The following ROBO2 variants were observed in gnomAD, a reference collection of about 807,000 sequenced individuals.
The protein encoded by ROBO2 is roundabout guidance receptor 2.
ROBO2 carries 53 observed loss-of-function variants against 160.8 expected under a neutral mutation model. That is an observed-to-expected ratio of 0.33 (90% CI 0.26 to 0.41). ROBO2 has a LOEUF of 0.41. Among genes scored for constraint, ROBO2 ranks in the 10% least tolerant of loss-of-function variants. ROBO2 has a pLI of 1.00. For synonymous variants in ROBO2, 664 were observed against 611.7 expected (o/e 1.09, Z -1.26); for missense variants, 1,577 against 1,722.4 (o/e 0.92, Z 1.49).
chr3:76,440,230 A>G (rs2076863311), intron 2 of ROBO2, among the ~76,000 whole-genome samples: 1 of 152,124 alleles, frequency 6.6e-6, no homozygotes, highest in Admixed American at 6.6e-5. Context: ...GAATTTTAGT[A>G]AAAGTACTTT....
intron 2 of ROBO2, among the ~76,000 whole-genome samples, chr3:76,234,789 C>T (rs1275390684): frequency 1.3e-5 from 2 of 152,132 alleles, no homozygotes; most frequent in East Asian, 3.9e-4. Context: ...CAAGTGACCC[C>T]TTTGTTCTTT....
intron 2 of ROBO2, among the ~76,000 whole-genome samples, chr3:76,614,290 C>T (rs1028575589): frequency 6.6e-6 from 1 of 152,098 alleles, no homozygotes; most frequent in Non-Finnish European, 1.5e-5. Context: ...CCACCTTGTC[C>T]TTAAAAATGT....
intron 13 of ROBO2, among the ~76,000 whole-genome samples, chr3:77,573,875 C>T (rs2093697450): frequency 6.6e-6 from 1 of 151,662 alleles, no homozygotes; most frequent in Non-Finnish European, 1.5e-5. Flanking sequence ...GTAACTTGAC[C>T]ATGGTTCAGT....
rs2084309871 is a variant in ROBO2, at chr3:76,563,244, A to G, written c.110-534770A>G. Among the ~76,000 whole-genome samples the G allele has an allele frequency of 2.0e-5, 3 of 152,162 alleles. No homozygotes were observed. The South Asian group carries it at 6.2e-4, about 31-fold the overall frequency. On this transcript the variant is annotated intron_variant, in intron 2 of 26. Coordinates refer to the ROBO2 transcript ENST00000487694. Reference sequence around the variant, plus strand: ...AGCTCTGTCATCAGACACTCTGCACATCATTTCTTCTTTAAGTGTGATTTT... The same window carrying G: ...AGCTCTGTCATCAGACACTCTGCACGTCATTTCTTCTTTAAGTGTGATTTT...
intron 2 of ROBO2, among the ~76,000 whole-genome samples, chr3:77,203,242 G>A (rs1417851071): frequency 6.6e-6 from 1 of 152,108 alleles, no homozygotes; most frequent in Non-Finnish European, 1.5e-5. Flanking sequence ...AATATTTTTT[G>A]CTAGATCACT....
chr3:76,980,931 A>G lies in ROBO2; in HGVS notation c.110-117083A>G, dbSNP rs2060066569. On this transcript the variant is annotated intron_variant, in intron 2 of 26. Coordinates refer to the ROBO2 transcript ENST00000487694. ...GGATATTTTATGTAAATTGATTCAT[A>G]TAATATCATCTTGTCCTTTATCACT... Among the ~76,000 whole-genome samples the G allele has an allele frequency of 2.0e-5, 3 of 152,184 alleles. No homozygotes were observed. The South Asian group carries it at 6.2e-4, about 31-fold the overall frequency.
intron 2 of ROBO2, among the ~76,000 whole-genome samples, chr3:76,802,556 G>A (rs1050192130): frequency 2.6e-5 from 4 of 151,800 alleles, no homozygotes; most frequent in Non-Finnish European, 4.4e-5. Flanking sequence ...GTGAAACCCC[G>A]TCTCTACTAA....
chr3:76,713,557 C>CT (rs982788265), intron 2 of ROBO2, among the ~76,000 whole-genome samples: 29 of 152,070 alleles, frequency 1.9e-4, no homozygotes, highest in Non-Finnish European at 7.4e-5. Context: ...GAATAATTCA[C>CT]TTTTTAAAAA....
At chr3:77,536,781 G>C (rs1582789698) in intron 6 of ROBO2, among the ~76,000 whole-genome samples, 1 of 152,260 alleles carries the variant, frequency 6.6e-6, no homozygotes, top group East Asian at 1.9e-4. Context: ...ATTTATTACT[G>C]TGGTACGTTC....
chr3:76,617,060 T>C (rs2088643178), intron 2 of ROBO2, among the ~76,000 whole-genome samples: 1 of 152,112 alleles, frequency 6.6e-6, no homozygotes, highest in African/African-American at 2.4e-5. Context: ...ATTGGATATA[T>C]ATATATCCAA....
Position 77,546,415 on chromosome 3 carries a change from A to G in ROBO2, c.1012A>G (p.Lys338Glu), listed in dbSNP as rs749096639. 9 of 1,613,264 alleles carry G rather than the reference A, an allele frequency of 5.6e-6. No homozygotes were observed. In the African/African-American group the frequency reaches 8.0e-5, roughly 14 times the overall value. Residue 338 changes from lysine to glutamate, a missense_variant, in exon 7 of 26, where the codon AAA becomes GAA. By Grantham distance (56) the Lys-to-Glu change is moderately conservative. This residue lies in a region of ROBO2 where 940 missense variants were observed against 1,135.5 expected (regional missense o/e 0.83). Transcript: ENST00000461745. ...AACAGTGACATTTCCCTGTGAAACT[A>G]AAGGAAACCCACAGCCAGCTGTTTT...
At chr3:76,567,620 G>GATATATATATATATATATATATATATAT (rs1201854439) in intron 2 of ROBO2, among the ~76,000 whole-genome samples, 1 of 33,292 alleles carries the variant, frequency 3.0e-5, no homozygotes, top group African/African-American at 8.0e-5. Flanking sequence ...CCAAACTACT[G>GATATATATATATATATATATATATATAT]ATATATATAT....
At chr3:76,657,664 ATGTGTATATATATACATATATG>A (rs1249415869) in intron 2 of ROBO2, among the ~76,000 whole-genome samples, 13,048 of 61,054 alleles carry the variant, frequency 0.21, 713 homozygotes, top group African/African-American at 0.39. Context: ...ATTCATATAT[ATGTGTATATATATACATATATG>A]TGTGTATATA....
chr3:76,864,666 GT>G (rs1469029748), intron 2 of ROBO2, among the ~76,000 whole-genome samples: 2 of 152,036 alleles, frequency 1.3e-5, no homozygotes. Context: ...AGAAAAAGCA[GT>G]TTAGCTATCC....
At chr3:77,511,168 C>G (rs1223058189) in intron 5 of ROBO2, among the ~76,000 whole-genome samples, 1 of 151,972 alleles carries the variant, frequency 6.6e-6, no homozygotes, top group African/African-American at 2.4e-5. Context: ...AAACAACGAG[C>G]TGGGAACTTT....
At chr3:77,110,820 A>T (rs2073481946) in intron 2 of ROBO2, among the ~76,000 whole-genome samples, 1 of 151,884 alleles carries the variant, frequency 6.6e-6, no homozygotes, top group Admixed American at 6.6e-5. Context: ...CAGTCTTCCC[A>T]GTAGCTTGTG....
intron 2 of ROBO2, among the ~76,000 whole-genome samples, chr3:76,235,261 T>G (rs922954132): frequency 6.6e-6 from 1 of 151,996 alleles, no homozygotes; most frequent in African/African-American, 2.4e-5. Flanking sequence ...AAACCTCCCC[T>G]CTCTCCCCAT....
intron 2 of ROBO2, among the ~76,000 whole-genome samples, chr3:77,114,685 G>A (rs2074020322): frequency 6.6e-6 from 1 of 151,896 alleles, no homozygotes; most frequent in Non-Finnish European, 1.5e-5. Context: ...GGTCCCTTTA[G>A]GTTTAAAGTG....
At chr3:76,603,664 C>T (rs1359050337) in intron 2 of ROBO2, among the ~76,000 whole-genome samples, 1 of 151,448 alleles carries the variant, frequency 6.6e-6, no homozygotes, top group Non-Finnish European at 1.5e-5. Flanking sequence ...CTTGTTCTGC[C>T]TTTTTGAATG....
Sources: allele counts gnomAD v4.1 joint callset (sites outside exome capture counted in the v4.1 genomes callset), GRCh38; gene constraint gnomAD v4.1.1; regional missense constraint gnomAD v4.1.1; transcripts MANE v1.5; gene names NCBI Gene and HGNC (gene_info 2026-07-23, HGNC 2026-07-21).